Variants in RPH3A observed in about 807,000 individuals in gnomAD.
RPH3A encodes the protein rabphilin-3A.
In RPH3A, 48 loss-of-function variants were observed where a neutral mutation model predicts 102.2. The observed-to-expected ratio is 0.47, with a 90% CI of 0.37 to 0.60. The LOEUF is 0.60. Ranked by LOEUF, RPH3A falls within the 20% of genes least tolerant of loss-of-function variation. RPH3A has a pLI of 0.00. For synonymous variants in RPH3A, 310 were observed against 324.3 expected (o/e 0.96, Z 0.47); for missense variants, 781 against 910.1 (o/e 0.86, Z 1.83).
chr12:112,726,798 G>A (rs956259778), intron 1 of RPH3A, among the ~76,000 whole-genome samples: 3 of 152,064 alleles, frequency 2.0e-5, no homozygotes, highest in Admixed American at 6.6e-5. Context: ...TGAGGCAGGC[G>A]GATCACCTGA....
intron 1 of RPH3A, among the ~76,000 whole-genome samples, chr12:112,728,911 G>T (rs1188120476): frequency 6.6e-6 from 1 of 152,164 alleles, no homozygotes; most frequent in Non-Finnish European, 1.5e-5. Flanking sequence ...GGAATGGGCA[G>T]GGAACTTCCC....
chr12:112,591,857 C>T (rs919487933), intron 1 of RPH3A, among the ~76,000 whole-genome samples: 3 of 152,208 alleles, frequency 2.0e-5, no homozygotes, highest in South Asian at 2.1e-4. Context: ...TTCAGAAGCT[C>T]GAGCCAGGTC....
chr12:112,653,519 T>C (rs1210095189), intron 1 of RPH3A, among the ~76,000 whole-genome samples: 4 of 152,140 alleles, frequency 2.6e-5, no homozygotes, highest in Non-Finnish European at 4.4e-5. Context: ...GACATTACTG[T>C]GCACTGCTGT....
At chr12:112,796,034 C>A (rs1054125653) in intron 2 of RPH3A, among the ~76,000 whole-genome samples, 3 of 152,198 alleles carry the variant, frequency 2.0e-5, no homozygotes, top group Non-Finnish European at 4.4e-5. Flanking sequence ...CTGCCAGCCC[C>A]TCTTGTTCCC....
chr12:112,786,463 G>A (rs1447229402), intron 1 of RPH3A, among the ~76,000 whole-genome samples: 2 of 152,154 alleles, frequency 1.3e-5, no homozygotes, highest in Non-Finnish European at 2.9e-5. Flanking sequence ...GATGAGTTGT[G>A]CTCCTGGAAA....
chr12:112,639,682 A>G (rs997428747), intron 1 of RPH3A, among the ~76,000 whole-genome samples: 4 of 152,186 alleles, frequency 2.6e-5, no homozygotes, highest in African/African-American at 4.8e-5. Flanking sequence ...ACAAAGATGC[A>G]GATATTGGTA....
At chr12:112,894,164 TA>T in intron 19 of RPH3A, 1 of 217,348 alleles carries the variant, frequency 4.6e-6, no homozygotes. Context: ...GGGGGCAGCC[TA>T]AGGTGGGATA....
At chr12:112,785,830 T>A (rs990779260) in intron 1 of RPH3A, among the ~76,000 whole-genome samples, 1 of 152,178 alleles carries the variant, frequency 6.6e-6, no homozygotes, top group African/African-American at 2.4e-5. Context: ...TCTCTGCTGT[T>A]GCTGTCCTTT....
chr12:112,633,693 C>T (rs755836588), intron 1 of RPH3A, among the ~76,000 whole-genome samples: 1 of 152,146 alleles, frequency 6.6e-6, no homozygotes, highest in Non-Finnish European at 1.5e-5. Flanking sequence ...TTCAAGTATT[C>T]TGTTATAAGC....
intron 1 of RPH3A, among the ~76,000 whole-genome samples, chr12:112,770,203 AG>A (rs1185521564): frequency 6.6e-6 from 1 of 152,168 alleles, no homozygotes. Context: ...ATTACAGACC[AG>A]GTTGTAATGA....
In RPH3A at chr12:112,664,094, A is replaced by G. The variant is rs1368070695; in HGVS notation, c.-140+88775A>G. Among the ~76,000 whole-genome samples, 4 of 152,316 alleles carry G rather than the reference A, an allele frequency of 2.6e-5. No homozygotes were observed. The East Asian group carries it at 7.7e-4, about 29-fold the overall frequency. On this transcript the variant is annotated intron_variant, in intron 1 of 21. Coordinates refer to the RPH3A transcript ENST00000543106. ...GAATAGTTTTTGAGCTGAGTCTTGA[A>G]GAATATGTAGGTAAAAGGTCAAAAT...
At chr12:112,775,394 A>G (rs1041297080) in intron 1 of RPH3A, among the ~76,000 whole-genome samples, 2 of 152,204 alleles carry the variant, frequency 1.3e-5, no homozygotes, top group Non-Finnish European at 1.5e-5. Flanking sequence ...GCACTGTGTT[A>G]GGTCCTGGGA....
At chr12:112,629,809 T>G (rs2039791278) in intron 1 of RPH3A, among the ~76,000 whole-genome samples, 1 of 152,152 alleles carries the variant, frequency 6.6e-6, no homozygotes, top group Non-Finnish European at 1.5e-5. Context: ...GTAGATGCTA[T>G]TTATCAAGCC....
intron 1 of RPH3A, among the ~76,000 whole-genome samples, chr12:112,751,782 T>C (rs1035094850): frequency 6.6e-5 from 10 of 152,126 alleles, no homozygotes; most frequent in African/African-American, 2.4e-4. Flanking sequence ...AATAAAAATA[T>C]ATGTATGAGA....
intron 13 of RPH3A, among the ~76,000 whole-genome samples, chr12:112,878,377 A>G (rs1056942106): frequency 2.6e-5 from 4 of 152,132 alleles, no homozygotes; most frequent in Admixed American, 6.5e-5. Context: ...ACCTGTCTCC[A>G]TACTCTATAC....
intron 1 of RPH3A, among the ~76,000 whole-genome samples, chr12:112,618,269 C>T (rs2039696361): frequency 6.6e-6 from 1 of 151,476 alleles, no homozygotes; most frequent in African/African-American, 2.5e-5. Flanking sequence ...GCAGGGGCTT[C>T]TTCTCCCTCA....
intron 2 of RPH3A, among the ~76,000 whole-genome samples, chr12:112,795,247 C>T (rs1396910489): frequency 3.9e-5 from 6 of 152,190 alleles, no homozygotes; most frequent in Admixed American, 3.9e-4. Flanking sequence ...GCCCTTCACC[C>T]TCATTCAGTG....
At chr12:112,711,405 A>G (rs1277888577) in intron 1 of RPH3A, among the ~76,000 whole-genome samples, 3 of 152,178 alleles carry the variant, frequency 2.0e-5, no homozygotes, top group African/African-American at 7.2e-5. Flanking sequence ...AGAAAAAAAA[A>G]AGAGCACATC....
intron 2 of RPH3A, among the ~76,000 whole-genome samples, chr12:112,801,233 G>T: frequency 6.6e-6 from 1 of 152,278 alleles, no homozygotes; most frequent in African/African-American, 2.4e-5. Context: ...ATTCAAAAAA[G>T]AACCAGCCGG....
Sources: gnomAD v4.1 joint callset for allele counts (sites outside exome capture counted in the v4.1 genomes callset) on GRCh38, gnomAD v4.1.1 for gene constraint, MANE v1.5 for transcripts, NCBI Gene and HGNC (gene_info 2026-07-23, HGNC 2026-07-21) for gene names.